Variants in TTC27 observed in about 807,000 individuals in gnomAD.
TTC27 encodes the protein tetratricopeptide repeat protein 27.
A neutral mutation model predicts 115.9 loss-of-function variants in TTC27; 79 were observed. That is an observed-to-expected ratio of 0.68 (90% CI 0.57 to 0.82). TTC27 has a LOEUF of 0.82. Ranked by LOEUF, TTC27 falls within the 40% of genes least tolerant of loss-of-function variation. The pLI is 0.00. For synonymous variants in TTC27, 401 were observed against 356.0 expected, an observed-to-expected ratio of 1.13 and a Z score of -1.42; for missense variants, 1,054 against 993.1, an observed-to-expected ratio of 1.06 and a Z score of -0.82.
At chr2:32,728,065 CAG>C (rs1668168279) in intron 10 of TTC27, among the ~76,000 whole-genome samples, 1 of 123,352 alleles carries the variant, frequency 8.1e-6, no homozygotes, top group Non-Finnish European at 1.6e-5. Context: ...TTTTTGGAGA[CAG>C]AGTCTCGCTG....
intron 9 of TTC27, among the ~76,000 whole-genome samples, chr2:32,692,036 G>GTTTTTTTTTTGTTTTTTTTTTT (rs1666831260): frequency 1.6e-5 from 1 of 61,188 alleles, no homozygotes; most frequent in African/African-American, 6.1e-5. Context: ...AATTTTTTAG[G>GTTTTTTTTTTGTTTTTTTTTTT]TTTTTTTTTT....
At position 32,811,111 on chromosome 2, in the gene TTC27, G is replaced by A. The variant is rs1329060613; in HGVS notation, c.2086G>A (p.Glu696Lys). Residue 696 changes from glutamate (E) to lysine (K), a missense_variant, in exon 17 of 20, where the codon GAG becomes AAG. Physicochemically the swap from Glu to Lys is moderately conservative, Grantham distance 56 (BLOSUM62 1). Coordinates refer to ENST00000317907, the MANE Select transcript of TTC27 (RefSeq NM_017735.5). ...AACTGGCCTCAAAGGAAAGCTGCAG[G>A]AGTTATTTGGCAGAGTGACTTCAAG... Reference protein sequence around the residue: ...VATGLKGKLQELFGRVTSRVT... With the variant: ...VATGLKGKLQKLFGRVTSRVT... 1 of 1,614,082 alleles carries A rather than the reference G, an allele frequency of 6.2e-7. No individual in the cohort carries two copies. The highest frequency in any genetic ancestry group is 1.7e-5 in the Admixed American group (1 of 60,006).
chr2:32,816,952 A>C (rs1427760249), intron 18 of TTC27, among the ~76,000 whole-genome samples: 1 of 152,000 alleles, frequency 6.6e-6, no homozygotes, highest in Non-Finnish European at 1.5e-5. Flanking sequence ...TCCTTGCCTA[A>C]TTTTATTTGT....
chr2:32,664,431 G>T lies in TTC27; in HGVS notation c.769G>T (p.Ala257Ser). The change falls in exon 6 of 20, where the codon GCT becomes TCT. Residue 257 changes from alanine to serine, a missense_variant. Transcript: ENST00000317907. ...YRKAKDQLDIAKDISQLQIDL... is the reference protein window; with the variant it reads ...YRKAKDQLDISKDISQLQIDL... ...AAAAGCAAAAGATCAGTTGGATATT[G>T]CTAAGGACATCAGCCAATTACAAAT... 1 of 1,609,480 alleles carries T rather than the reference G, an allele frequency of 6.2e-7. No individual in the cohort carries two copies.
At chr2:32,764,612 C>G (rs1669562030) in intron 13 of TTC27, among the ~76,000 whole-genome samples, 1 of 152,130 alleles carries the variant, frequency 6.6e-6, no homozygotes, top group Non-Finnish European at 1.5e-5. Context: ...GTGAAGTTTG[C>G]TGCATAGATG....
At chr2:32,660,864 A>G (rs1665521819) in intron 5 of TTC27, among the ~76,000 whole-genome samples, 1 of 152,092 alleles carries the variant, frequency 6.6e-6, no homozygotes, top group Non-Finnish European at 1.5e-5. Flanking sequence ...CCTGAATGGT[A>G]TTGCCTAGGT....
chr2:32,736,694 C>G lies in TTC27; in HGVS notation c.1330C>G (p.Arg444Gly). 6.2e-7 allele frequency: 1 copy of G among 1,613,622 alleles called. No individual in the cohort carries two copies. The highest frequency in any genetic ancestry group is 8.5e-7 in the Non-Finnish European group (1 of 1,179,804). ...AATTATTTTTACTTGATTTTTCTAG[C>G]GCCAACTTGCAAGTTTGCTCTTTGA... ...CQVPPHWAIQ[R>G]QLASLLFELG... Residue 444 changes from arginine to glycine, a missense_variant and splice_region_variant, in exon 12 of 20, where the codon CGC becomes GGC. By Grantham distance (125) the Arg-to-Gly change is moderately radical. Coordinates refer to ENST00000317907, the MANE Select transcript of TTC27 (RefSeq NM_017735.5).
At chr2:32,701,008 G>A (rs888973565) in intron 9 of TTC27, among the ~76,000 whole-genome samples, 14 of 152,134 alleles carry the variant, frequency 9.2e-5, no homozygotes, top group Admixed American at 2.6e-4. Context: ...GGAGGCCAAC[G>A]AGATAAGGTT....
chr2:32,650,024 ATAAAT>A, intron 4 of TTC27, 102 bp from the exon 5 acceptor site: 1 of 889,722 alleles, frequency 1.1e-6, no homozygotes, highest in Non-Finnish European at 1.8e-6. Flanking sequence ...TTATTGAGGA[ATAAAT>A]TTAATTTTAT....
At chr2:32,716,658 T>C (rs923556554) in intron 10 of TTC27, among the ~76,000 whole-genome samples, 1 of 152,148 alleles carries the variant, frequency 6.6e-6, no homozygotes, top group Non-Finnish European at 1.5e-5. Flanking sequence ...CTATATTCTA[T>C]TGGGTAATTT....
chr2:32,806,752 G>T (rs1009346542), intron 16 of TTC27, among the ~76,000 whole-genome samples: 4 of 151,902 alleles, frequency 2.6e-5, no homozygotes, highest in African/African-American at 9.7e-5. Context: ...CTGCACTCCA[G>T]CTTGACCGAC....
intron 12 of TTC27, among the ~76,000 whole-genome samples, chr2:32,741,154 G>A (rs1276169333): frequency 6.6e-6 from 1 of 152,170 alleles, no homozygotes; most frequent in African/African-American, 2.4e-5. Context: ...TGTCTAGAAC[G>A]TTTGTCTTCT....
intron 9 of TTC27, among the ~76,000 whole-genome samples, chr2:32,696,247 G>T (rs953275768): frequency 4.0e-5 from 6 of 151,202 alleles, no homozygotes; most frequent in African/African-American, 1.5e-4. Flanking sequence ...ATACTCTGTT[G>T]TTTCTATACC....
At chr2:32,717,536 T>A (rs1157347129) in intron 10 of TTC27, among the ~76,000 whole-genome samples, 12 of 151,998 alleles carry the variant, frequency 7.9e-5, no homozygotes, top group Admixed American at 7.9e-4. Context: ...TTAGTTATTA[T>A]CTTTCTTGTT....
At position 32,692,036 on chromosome 2, in the gene TTC27, G is replaced by GTTTTTTTTTTTT. The variant is rs779547700; in HGVS notation, c.1120-10756_1120-10745dup. Among the ~76,000 whole-genome samples the GTTTTTTTTTTTT allele has an allele frequency of 5.7e-3, 351 of 61,208 alleles. 49 individuals carry two copies. The highest frequency in any genetic ancestry group is 0.039 in the East Asian group (64 of 1,652). 40.2% of individuals were successfully genotyped at this position (61,208 alleles called of 152,430 possible). ...GGGATATTCTTTTTTAATTTTTTAGGTTTTTTTTTTTTTTTTTTTTTTTTT... is the reference window on the plus strand; with the variant it reads ...GGGATATTCTTTTTTAATTTTTTAGGTTTTTTTTTTTTTTTTTTTTTTTTTTTTTTTTTTTTT... On this transcript the variant is annotated intron_variant, in intron 9 of 19. Transcript: ENST00000317907.
At chr2:32,700,011 C>T (rs1464813952) in intron 9 of TTC27, among the ~76,000 whole-genome samples, 1 of 152,194 alleles carries the variant, frequency 6.6e-6, no homozygotes, top group Non-Finnish European at 1.5e-5. Flanking sequence ...AGCCCATGGG[C>T]TGAGCTGGTC....
At chr2:32,782,762 T>TCAG in intron 15 of TTC27, 84 bp downstream of exon 15, 4 of 1,140,758 alleles carry the variant, frequency 3.5e-6, no homozygotes, top group Non-Finnish European at 3.9e-6. Context: ...GTTTCAATGT[T>TCAG]TCTCCTTGTT....
At chr2:32,650,069 TA>T in intron 4 of TTC27, 61 bp from the exon 5 acceptor site, 1 of 1,358,122 alleles carries the variant, frequency 7.4e-7, no homozygotes, top group East Asian at 2.3e-5. Flanking sequence ...AAATCTCAGT[TA>T]ATGTAAAAAG....
chr2:32,716,345 A>G (rs189996762), intron 10 of TTC27, among the ~76,000 whole-genome samples: 1 of 152,206 alleles, frequency 6.6e-6, no homozygotes, highest in Admixed American at 6.5e-5. Context: ...TTTAAACTGC[A>G]TATTACAAAT....
Sources: allele counts gnomAD v4.1 joint callset (sites outside exome capture counted in the v4.1 genomes callset), GRCh38; gene constraint gnomAD v4.1.1; transcripts MANE v1.5; gene names NCBI Gene and HGNC (gene_info 2026-07-23, HGNC 2026-07-21).